OPCML: variants seen among roughly 807,000 people sequenced by gnomAD.
The protein encoded by OPCML is opioid binding protein/cell adhesion molecule like, also known as opioid-binding protein/cell adhesion molecule.
OPCML carries 13 observed loss-of-function variants against 37.8 expected under a neutral mutation model. That is an observed-to-expected ratio of 0.34 (90% CI 0.22 to 0.55). The LOEUF is 0.55. Ranked by LOEUF, OPCML falls within the 20% of genes least tolerant of loss-of-function variation. The pLI is 0.91. For missense variants in OPCML, 341 were observed against 435.6 expected, an observed-to-expected ratio of 0.78 and a Z score of 1.93; for synonymous variants, 176 against 168.8, an observed-to-expected ratio of 1.04 and a Z score of -0.33.
intron 2 of OPCML, among the ~76,000 whole-genome samples, chr11:132,821,131 T>G (rs1052382056): frequency 6.6e-6 from 1 of 152,158 alleles, no homozygotes; most frequent in African/African-American, 2.4e-5. Flanking sequence ...AATGTATGTG[T>G]CATAAGTAAG....
At chr11:133,387,169 C>A (rs1945073283) in intron 1 of OPCML, among the ~76,000 whole-genome samples, 1 of 152,144 alleles carries the variant, frequency 6.6e-6, no homozygotes, top group African/African-American at 2.4e-5. Flanking sequence ...GAGGCAGGAT[C>A]CAGGCTCAGG....
intron 3 of OPCML, among the ~76,000 whole-genome samples, chr11:132,647,808 G>A (rs748990682): frequency 2.6e-5 from 4 of 152,178 alleles, no homozygotes; most frequent in Non-Finnish European, 4.4e-5. Flanking sequence ...GTACTCAGCA[G>A]ATGATAACCA....
At chr11:133,107,791 G>C (rs1332505585) in intron 1 of OPCML, among the ~76,000 whole-genome samples, 1 of 149,292 alleles carries the variant, frequency 6.7e-6, no homozygotes, top group Non-Finnish European at 1.5e-5. Flanking sequence ...CTGAAGATTG[G>C]AATCTACACA....
intron 1 of OPCML, among the ~76,000 whole-genome samples, chr11:133,046,593 A>C (rs936432937): frequency 2.0e-5 from 3 of 152,266 alleles, no homozygotes; most frequent in African/African-American, 7.2e-5. Context: ...AACGCCAGGC[A>C]TTTACCAGCT....
chr11:133,431,830 T>C (rs1946124793), intron 1 of OPCML, among the ~76,000 whole-genome samples: 1 of 148,686 alleles, frequency 6.7e-6, no homozygotes, highest in South Asian at 2.1e-4. Context: ...TAAATATACA[T>C]ATATTTGAGA....
chr11:132,953,384 G>T (rs1459959347), intron 1 of OPCML, among the ~76,000 whole-genome samples: 1 of 152,014 alleles, frequency 6.6e-6, no homozygotes, highest in Non-Finnish European at 1.5e-5. Context: ...TCCCTCCCTG[G>T]ACCCCAAAGC....
chr11:133,387,703 A>G (rs1019101794), intron 1 of OPCML, among the ~76,000 whole-genome samples: 1 of 152,246 alleles, frequency 6.6e-6, no homozygotes, highest in African/African-American at 2.4e-5. Context: ...GATGAATAAA[A>G]CAGGCAAAAT....
intron 1 of OPCML, among the ~76,000 whole-genome samples, chr11:133,338,694 C>A (rs1943796651): frequency 6.6e-6 from 1 of 152,160 alleles, no homozygotes; most frequent in Non-Finnish European, 1.5e-5. Context: ...TCTAGCCTGC[C>A]AAAGAGAAAA....
At chr11:132,774,329 T>G (rs1176643245) in intron 2 of OPCML, among the ~76,000 whole-genome samples, 6 of 152,206 alleles carry the variant, frequency 3.9e-5, no homozygotes, top group Non-Finnish European at 8.8e-5. Flanking sequence ...ATGCATTAAA[T>G]CATATTCTAA....
intron 7 of OPCML, among the ~76,000 whole-genome samples, chr11:132,423,519 T>A (rs2095967200): frequency 6.6e-6 from 1 of 152,208 alleles, no homozygotes; most frequent in Admixed American, 6.5e-5. Flanking sequence ...CTATGTACAC[T>A]CTCTAGACTT....
intron 3 of OPCML, among the ~76,000 whole-genome samples, chr11:132,629,886 GAATA>G (rs1434895673): frequency 6.6e-6 from 1 of 152,036 alleles, no homozygotes; most frequent in Non-Finnish European, 1.5e-5. Flanking sequence ...AAAGAAACAA[GAATA>G]GATATTTTGA....
intron 1 of OPCML, among the ~76,000 whole-genome samples, chr11:133,240,212 C>CAAAA (rs35643678): frequency 4.5e-5 from 3 of 66,022 alleles, no homozygotes; most frequent in Non-Finnish European, 8.5e-5. Context: ...ACACTTGGGG[C>CAAAA]AAAAAAAAAA....
chr11:133,075,860 G>A (rs7941670), intron 1 of OPCML, among the ~76,000 whole-genome samples: 87,221 of 152,046 alleles, frequency 0.57, 26,839 homozygotes, highest in African/African-American at 0.8. Flanking sequence ...GAAGGAATCT[G>A]CAGCAATCAA....
At chr11:133,013,483 G>A (rs1228813071) in intron 1 of OPCML, among the ~76,000 whole-genome samples, 1 of 152,072 alleles carries the variant, frequency 6.6e-6, no homozygotes, top group Non-Finnish European at 1.5e-5. Flanking sequence ...AAGTATTTAA[G>A]GATGATAAAG....
chr11:132,656,612 G>C (rs1941719170), intron 3 of OPCML, among the ~76,000 whole-genome samples: 1 of 152,110 alleles, frequency 6.6e-6, no homozygotes, highest in Non-Finnish European at 1.5e-5. Context: ...TGCCAGGGAG[G>C]ACCTGCCTAA....
In OPCML at chr11:133,099,581, C is replaced by A. The variant is rs548022463; in HGVS notation, c.62-156571G>T. Among the ~76,000 whole-genome samples, 102 of 152,132 alleles carry A rather than the reference C, an allele frequency of 6.7e-4. 3 individuals carry two copies. The South Asian group carries it at 0.021, about 31-fold the overall frequency. On this transcript the variant is annotated intron_variant, in intron 1 of 7. Coordinates refer to ENST00000524381, the MANE Select transcript of OPCML (RefSeq NM_001012393.5). ...GGATTACAGACATGAGCCACCTCGC[C>A]TGGCCTGATTTTTTAATAACAGCCA...
At chr11:132,440,243 TATA>T (rs1188370528) in intron 4 of OPCML, among the ~76,000 whole-genome samples, 1 of 152,146 alleles carries the variant, frequency 6.6e-6, no homozygotes, top group Non-Finnish European at 1.5e-5. Context: ...TGGGGATCGT[TATA>T]ATACTACCTC....
At chr11:132,993,605 A>G (rs1946822791) in intron 1 of OPCML, among the ~76,000 whole-genome samples, 1 of 152,086 alleles carries the variant, frequency 6.6e-6, no homozygotes, top group Non-Finnish European at 1.5e-5. Flanking sequence ...CCCTACTTAC[A>G]AAGGGCAGAA....
intron 1 of OPCML, among the ~76,000 whole-genome samples, chr11:133,186,061 C>G (rs560426555): frequency 2.2e-4 from 33 of 152,092 alleles, no homozygotes; most frequent in African/African-American, 7.7e-4. Context: ...TAGCCTCCAT[C>G]CTTTGTAGTT....
Sources: allele counts gnomAD v4.1 joint callset (sites outside exome capture counted in the v4.1 genomes callset), GRCh38; gene constraint gnomAD v4.1.1; transcripts MANE v1.5; gene names NCBI Gene and HGNC (gene_info 2026-07-23, HGNC 2026-07-21).